The following EML5 variants were observed in gnomAD, a reference collection of about 807,000 sequenced individuals.
EML5 encodes the protein echinoderm microtubule-associated protein-like 5.
In EML5, 120 loss-of-function variants were observed where a neutral mutation model predicts 250.0. That is an observed-to-expected ratio of 0.48 (90% CI 0.41 to 0.56). The LOEUF is 0.56. EML5 is among the 20% of genes least tolerant of loss of function. The pLI, the probability that EML5 is intolerant of heterozygous loss-of-function variation, is 0.00. For synonymous variants in EML5, 771 were observed against 806.5 expected, an observed-to-expected ratio of 0.96 and a Z score of 0.75; for missense variants, 2,006 against 2,437.6, an observed-to-expected ratio of 0.82 and a Z score of 3.73.
intron 23 of EML5, among the ~76,000 whole-genome samples, chr14:88,663,630 GAT>G (rs1443459133): frequency 6.6e-6 from 1 of 151,816 alleles, no homozygotes; most frequent in Non-Finnish European, 1.5e-5. Context: ...TCTTTTTGAA[GAT>G]ATATTTCATA....
At chr14:88,765,479 A>G (rs1011136138) in intron 1 of EML5, among the ~76,000 whole-genome samples, 2 of 152,150 alleles carry the variant, frequency 1.3e-5, no homozygotes, top group Non-Finnish European at 2.9e-5. Flanking sequence ...GTTCTTCTCA[A>G]GCTTTGAATC....
intron 14 of EML5, among the ~76,000 whole-genome samples, chr14:88,698,411 C>T (rs1247132092): frequency 6.6e-6 from 1 of 151,884 alleles, no homozygotes; most frequent in Non-Finnish European, 1.5e-5. Flanking sequence ...GGACTACAGG[C>T]ATGCACCACC....
At chr14:88,665,582 TC>T in intron 21 of EML5, 93 bp from the exon 22 acceptor site, 1 of 1,528,388 alleles carries the variant, frequency 6.5e-7, no homozygotes, top group Non-Finnish European at 8.9e-7. Context: ...ATCCAAGCAC[TC>T]TGGGGAGCTG....
intron 7 of EML5, among the ~76,000 whole-genome samples, chr14:88,727,881 A>C (rs533082450): frequency 6.6e-6 from 1 of 152,340 alleles, no homozygotes; most frequent in East Asian, 1.9e-4. Context: ...CAATGCTAGA[A>C]ATCAACAACA....
At chr14:88,692,421 C>A (rs2092981905) in intron 17 of EML5, among the ~76,000 whole-genome samples, 1 of 152,240 alleles carries the variant, frequency 6.6e-6, no homozygotes, top group African/African-American at 2.4e-5. Flanking sequence ...TACATACAGA[C>A]TTTTTTTCCT....
chr14:88,784,863 A>G (rs1011545573), intron 1 of EML5, among the ~76,000 whole-genome samples: 7 of 150,466 alleles, frequency 4.7e-5, no homozygotes, highest in African/African-American at 1.7e-4. Flanking sequence ...AAGAAAGGAA[A>G]TCAGGATATC....
At chr14:88,685,753 A>G (rs1383389762) in intron 19 of EML5, among the ~76,000 whole-genome samples, 1 of 152,068 alleles carries the variant, frequency 6.6e-6, no homozygotes, top group Non-Finnish European at 1.5e-5. Flanking sequence ...GCCGGCCCCC[A>G]TGTGCTTTAA....
chr14:88,765,558 A>C (rs538329765), intron 1 of EML5, among the ~76,000 whole-genome samples: 2 of 152,230 alleles, frequency 1.3e-5, no homozygotes, highest in Non-Finnish European at 2.9e-5. Flanking sequence ...GGGCTCACAT[A>C]ATTAGACTGG....
At chr14:88,695,519 A>G (rs2093057691) in intron 15 of EML5, 65 bp from the exon 16 acceptor site, 12 of 1,406,328 alleles carry the variant, frequency 8.5e-6, no homozygotes, top group Admixed American at 2.0e-5. Context: ...AACATTCAGT[A>G]TATATTCTAA....
chr14:88,746,812 C>G (rs529448003), intron 2 of EML5, among the ~76,000 whole-genome samples: 1 of 152,026 alleles, frequency 6.6e-6, no homozygotes, highest in Non-Finnish European at 1.5e-5. Flanking sequence ...GTAAACCTCT[C>G]GGAAACAACA....
intron 32 of EML5, among the ~76,000 whole-genome samples, chr14:88,637,019 CTCTATGA>C (rs1365661973): frequency 1.8e-4 from 27 of 152,154 alleles, no homozygotes; most frequent in Admixed American, 1.8e-3. Context: ...ATTTCAATTA[CTCTATGA>C]TCTATATGAT....
Position 88,625,064 on chromosome 14 carries a change from A to C in EML5, c.4804T>G (p.Cys1602Gly). The change falls in exon 36 of 44, where the codon TGT becomes GGT. Residue 1602 changes from cysteine to glycine, a missense_variant. By Grantham distance (159) the Cys-to-Gly change is radical (BLOSUM62 -3). Around this residue, in one of 7 missense-constraint regions of EML5, gnomAD observed 405 missense variants for 523.3 expected, o/e 0.77. Transcript: ENST00000554922. ...DVCVWKDHIL[C>G]RIVARAHNGP... ...TTGTGAGCTCTCGCCACGATTCTAC[A>C]CAATATGTGATCTTTCCACACACAG... 1 of 1,613,948 alleles carries C rather than the reference A, an allele frequency of 6.2e-7. No homozygotes were observed. Among genetic ancestry groups the C allele is most frequent in the Non-Finnish European group, 8.5e-7 (1 of 1,179,840 alleles).
chr14:88,750,328 T>G (rs1412141254), intron 2 of EML5, among the ~76,000 whole-genome samples: 3 of 152,162 alleles, frequency 2.0e-5, no homozygotes, highest in Non-Finnish European at 4.4e-5. Context: ...TATACACTAT[T>G]TAAAGGAGTT....
intron 10 of EML5, among the ~76,000 whole-genome samples, chr14:88,707,766 T>A (rs577861608): frequency 6.2e-4 from 95 of 152,260 alleles, no homozygotes; most frequent in Non-Finnish European, 1.0e-3. Context: ...TTAATATAAG[T>A]CACTAATTTA....
chr14:88,690,254 G>A (rs1450037401), intron 17 of EML5, among the ~76,000 whole-genome samples: 1 of 152,176 alleles, frequency 6.6e-6, no homozygotes, highest in East Asian at 1.9e-4. Flanking sequence ...TACATGAGAT[G>A]CAAAACATTT....
intron 20 of EML5, among the ~76,000 whole-genome samples, chr14:88,683,564 A>G (rs550410466): frequency 6.6e-6 from 1 of 152,340 alleles, no homozygotes; most frequent in Admixed American, 6.5e-5. Flanking sequence ...TCTTATAAAT[A>G]CTGATGCTAA....
chr14:88,677,083 T>G (rs1374190142), intron 21 of EML5, among the ~76,000 whole-genome samples: 1 of 152,032 alleles, frequency 6.6e-6, no homozygotes, highest in Non-Finnish European at 1.5e-5. Flanking sequence ...TTTTGTATTT[T>G]TAGTAGATAC....
Position 88,738,932 on chromosome 14 carries a change from G to C in EML5, c.794C>G (p.Thr265Ser). 4 of 1,598,582 alleles carry C rather than the reference G, an allele frequency of 2.5e-6. No homozygotes were observed. The highest frequency in any genetic ancestry group is 3.4e-6 in the Non-Finnish European group (4 of 1,172,046). ...ATCAATCACAGTAATTGGTTTAAAA[G>C]TTAAATCCCAAAGACGAATACAACC... ...RDGCIRLWDLTFKPITVIDLR... is the reference protein window; with the variant it reads ...RDGCIRLWDLSFKPITVIDLR... The change falls in exon 6 of 44, where the codon ACT becomes AGT. Residue 265 changes from threonine to serine, a missense_variant. Around this residue, in one of 7 missense-constraint regions of EML5, gnomAD observed 1,375 missense variants for 1,590.3 expected, o/e 0.86. Transcript: ENST00000554922.
chr14:88,616,977 C>T (rs1595177698), intron 41 of EML5, 98 bp from the exon 42 acceptor site: 8 of 1,129,760 alleles, frequency 7.1e-6, no homozygotes, highest in African/African-American at 4.6e-5. Flanking sequence ...AGTACCCTAT[C>T]ATGTTACTTA....
Sources: gnomAD v4.1 joint callset for allele counts (sites outside exome capture counted in the v4.1 genomes callset) on GRCh38, gnomAD v4.1.1 for gene constraint, gnomAD v4.1.1 regional missense constraint, MANE v1.5 for transcripts, NCBI Gene and HGNC (gene_info 2026-07-23, HGNC 2026-07-21) for gene names.